Variants in NEGR1 observed in about 807,000 individuals in gnomAD.
The protein encoded by NEGR1 is neuronal growth regulator 1.
NEGR1 carries 10 observed loss-of-function variants against 40.9 expected under a neutral mutation model. The ratio of observed to expected loss-of-function variants is 0.24; its 90% CI spans 0.15 to 0.42. The LOEUF is 0.42. Among genes scored for constraint, NEGR1 ranks in the 10% least tolerant of loss-of-function variants. The pLI, the probability that NEGR1 is intolerant of heterozygous loss-of-function variation, is 1.00. For synonymous variants in NEGR1, 185 were observed against 166.8 expected (o/e 1.11, Z -0.84); for missense variants, 352 against 438.9 (o/e 0.80, Z 1.77).
chr1:71,568,829 C>CGTGTGTGTGTGTGT lies in NEGR1; in HGVS notation c.940+23974_940+23987dup, dbSNP rs35692576. On this transcript the variant is annotated intron_variant, in intron 6 of 6. Coordinates refer to ENST00000357731, the MANE Select transcript of NEGR1 (RefSeq NM_173808.3). Reference sequence around the variant, plus strand: ...GTGTGTGTATGTGTATATATGTATACGTGTGTGTGTGTGTGTGTGTGTGTG... The same window carrying CGTGTGTGTGTGTGT: ...GTGTGTGTATGTGTATATATGTATACGTGTGTGTGTGTGTGTGTGTGTGTGTGTGTGTGTGTGTG... Among the ~76,000 whole-genome samples the CGTGTGTGTGTGTGT allele has an allele frequency of 2.0e-4, 30 of 147,584 alleles. No homozygotes were observed. In the East Asian group the frequency reaches 4.5e-3, roughly 22 times the overall value.
chr1:71,929,735 T>C (rs1385798339), intron 2 of NEGR1, among the ~76,000 whole-genome samples: 2 of 151,868 alleles, frequency 1.3e-5, no homozygotes, highest in East Asian at 3.9e-4. Context: ...CATTACTGTT[T>C]TTTTTTTTTT....
chr1:71,721,866 A>G (rs1193070764), intron 3 of NEGR1, among the ~76,000 whole-genome samples: 2 of 152,256 alleles, frequency 1.3e-5, no homozygotes, highest in East Asian at 3.9e-4. Flanking sequence ...AGAGGCTTCC[A>G]TGTTAACATA....
At chr1:71,927,782 G>C (rs550859213) in intron 2 of NEGR1, among the ~76,000 whole-genome samples, 1 of 122,326 alleles carries the variant, frequency 8.2e-6, no homozygotes, top group Admixed American at 9.9e-5. Flanking sequence ...CCAGGCGTTT[G>C]AGACCAGCAT....
intron 1 of NEGR1, among the ~76,000 whole-genome samples, chr1:72,168,606 C>T (rs1398733161): frequency 6.6e-6 from 1 of 152,146 alleles, no homozygotes. Context: ...AGAGCACTGA[C>T]AGGCTGGGAG....
chr1:71,472,419 C>T (rs1035062242), intron 6 of NEGR1, among the ~76,000 whole-genome samples: 1 of 152,114 alleles, frequency 6.6e-6, no homozygotes, highest in Non-Finnish European at 1.5e-5. Flanking sequence ...TGATTCTCCA[C>T]CCTCCAGGAT....
chr1:71,856,047 T>G (rs564099618), intron 2 of NEGR1, among the ~76,000 whole-genome samples: 58 of 151,932 alleles, frequency 3.8e-4, no homozygotes, highest in Non-Finnish European at 7.5e-4. Flanking sequence ...TTAATCCCAT[T>G]CCCATGAGCC....
intron 1 of NEGR1, among the ~76,000 whole-genome samples, chr1:71,954,405 A>G (rs1646099522): frequency 6.6e-6 from 1 of 151,988 alleles, no homozygotes; most frequent in Non-Finnish European, 1.5e-5. Context: ...ATTAAAAAAA[A>G]GTTTAGGAGA....
At chr1:72,187,199 C>T (rs149691313) in intron 1 of NEGR1, among the ~76,000 whole-genome samples, 3 of 151,450 alleles carry the variant, frequency 2.0e-5, no homozygotes, top group African/African-American at 7.2e-5. Flanking sequence ...AGCAAGTTAC[C>T]AGTTGATATT....
chr1:71,591,440 A>T (rs2101519547), intron 6 of NEGR1, among the ~76,000 whole-genome samples: 2 of 152,302 alleles, frequency 1.3e-5, no homozygotes, highest in Admixed American at 1.3e-4. Flanking sequence ...GTAATATGTT[A>T]TTAAGCCTTA....
chr1:71,674,528 G>A (rs1042631837), intron 4 of NEGR1, among the ~76,000 whole-genome samples: 1 of 151,738 alleles, frequency 6.6e-6, no homozygotes, highest in Non-Finnish European at 1.5e-5. Flanking sequence ...TCTAGGTAGT[G>A]AATATTTTCA....
At chr1:71,414,854 G>A (rs868302343) in intron 6 of NEGR1, among the ~76,000 whole-genome samples, 2 of 152,130 alleles carry the variant, frequency 1.3e-5, no homozygotes, top group African/African-American at 4.8e-5. Context: ...CTCCTGGAGT[G>A]CAGAGAGGTA....
chr1:71,884,638 C>T (rs1202598954), intron 2 of NEGR1, among the ~76,000 whole-genome samples: 1 of 152,062 alleles, frequency 6.6e-6, no homozygotes, highest in African/African-American at 2.4e-5. Context: ...ATACCAAAAC[C>T]TGTATTTGGC....
chr1:72,276,146 T>C (rs11584611), intron 1 of NEGR1, among the ~76,000 whole-genome samples: 72,086 of 151,818 alleles, frequency 0.47, 17,769 homozygotes, highest in African/African-American at 0.54. Flanking sequence ...TCTATACTGT[T>C]CTAATTTCTG....
intron 4 of NEGR1, among the ~76,000 whole-genome samples, chr1:71,652,235 C>T (rs1037029234): frequency 8.5e-5 from 13 of 152,174 alleles, no homozygotes; most frequent in African/African-American, 3.1e-4. Flanking sequence ...TTACTTCTCA[C>T]ACAATTATTT....
At chr1:72,036,623 T>C (rs1220360317) in intron 1 of NEGR1, among the ~76,000 whole-genome samples, 2 of 138,960 alleles carry the variant, frequency 1.4e-5, no homozygotes, top group African/African-American at 2.7e-5. Context: ...GCTATTGTAC[T>C]CCAGCCTGGG....
chr1:72,176,672 C>CAAAA (rs1652177727), intron 1 of NEGR1, among the ~76,000 whole-genome samples: 1 of 151,890 alleles, frequency 6.6e-6, no homozygotes, highest in Non-Finnish European at 1.5e-5. Flanking sequence ...GGGAAACAAA[C>CAAAA]AAACAAACAA....
At chr1:72,091,409 TTCCTTCTC>T (rs1274067301) in intron 1 of NEGR1, among the ~76,000 whole-genome samples, 1 of 111,266 alleles carries the variant, frequency 9.0e-6, no homozygotes, top group Non-Finnish European at 1.7e-5. Context: ...CCTTCCTCCC[TTCCTTCTC>T]TCCTTCCCTC....
intron 1 of NEGR1, among the ~76,000 whole-genome samples, chr1:72,150,188 T>C (rs1361069084): frequency 6.6e-6 from 1 of 152,174 alleles, no homozygotes; most frequent in Non-Finnish European, 1.5e-5. Flanking sequence ...TTAGTATTAA[T>C]TTGAATCACC....
intron 6 of NEGR1, among the ~76,000 whole-genome samples, chr1:71,564,664 T>G (rs1318165144): frequency 6.6e-6 from 1 of 152,114 alleles, no homozygotes; most frequent in Non-Finnish European, 1.5e-5. Flanking sequence ...ATAAGAAAAT[T>G]TTTTATAAAT....
Sources: allele counts gnomAD v4.1 joint callset (sites outside exome capture counted in the v4.1 genomes callset), GRCh38; gene constraint gnomAD v4.1.1; transcripts MANE v1.5; gene names NCBI Gene and HGNC (gene_info 2026-07-23, HGNC 2026-07-21).